The following GPM6A variants were observed in gnomAD, a reference collection of about 807,000 sequenced individuals.
The protein encoded by GPM6A is neuronal membrane glycoprotein M6-a.
Under a neutral mutation model 32.1 loss-of-function variants are expected in GPM6A, and 7 were observed. The observed-to-expected ratio is 0.22, with a 90% confidence interval of 0.12 to 0.41. The LOEUF is 0.41. GPM6A is among the 10% of genes least tolerant of loss of function. GPM6A has a pLI of 1.00. For missense variants in GPM6A, 235 were observed against 347.2 expected (o/e 0.68, Z 2.57); for synonymous variants, 130 against 123.4 (o/e 1.05, Z -0.35).
intron 1 of GPM6A, among the ~76,000 whole-genome samples, chr4:175,730,548 G>A (rs7654814): frequency 0.085 from 12,829 of 151,336 alleles, 826 homozygotes; most frequent in East Asian, 0.29. Flanking sequence ...TCGGCTCACT[G>A]CAAGCTCCGC....
intron 1 of GPM6A, among the ~76,000 whole-genome samples, chr4:175,872,974 G>T (rs2111441942): frequency 6.6e-6 from 1 of 152,158 alleles, no homozygotes; most frequent in African/African-American, 2.4e-5. Flanking sequence ...TGTTCACTGG[G>T]CAAGTAGATA....
intron 3 of GPM6A, among the ~76,000 whole-genome samples, chr4:175,657,650 G>C (rs1448345495): frequency 1.3e-5 from 2 of 152,130 alleles, no homozygotes; most frequent in Non-Finnish European, 2.9e-5. Flanking sequence ...ACATGAGCCA[G>C]ATATCTAAAT....
chr4:175,859,487 T>C (rs1184994471), intron 1 of GPM6A, among the ~76,000 whole-genome samples: 1 of 152,218 alleles, frequency 6.6e-6, no homozygotes, highest in Non-Finnish European at 1.5e-5. Flanking sequence ...TTTAATTCAG[T>C]ATAATTTGTT....
rs78307365 is a variant in GPM6A, at chr4:175,912,287, T to C, written c.-23+90022A>G. Among the ~76,000 whole-genome samples the C allele has an allele frequency of 2.0e-5, 3 of 152,196 alleles. No homozygotes were observed. In the South Asian group the frequency reaches 6.2e-4, roughly 31 times the overall value. ...ATTTGTATTCAATATACAAGGAAGA[T>C]GAGAAATACTCTTTTATGTAAAGTA... On this transcript the variant is annotated intron_variant, in intron 1 of 7. Coordinates refer to the GPM6A transcript ENST00000280187.
intron 1 of GPM6A, among the ~76,000 whole-genome samples, chr4:175,802,410 G>C (rs1009732692): frequency 1.3e-5 from 2 of 152,066 alleles, no homozygotes; most frequent in African/African-American, 2.4e-5. Flanking sequence ...CCATTGACCA[G>C]AGCTCAAATG....
intron 2 of GPM6A, among the ~76,000 whole-genome samples, chr4:175,695,838 C>T (rs1744549553): frequency 6.6e-6 from 1 of 152,148 alleles, no homozygotes; most frequent in African/African-American, 2.4e-5. Context: ...CTGGTCCCCA[C>T]TCAAATCTCA....
intron 1 of GPM6A, among the ~76,000 whole-genome samples, chr4:175,901,642 CT>C (rs59429547): frequency 8.4e-6 from 1 of 119,478 alleles, no homozygotes; most frequent in Non-Finnish European, 1.8e-5. Context: ...TTTTTTTTTC[CT>C]TTTTTTTTTT....
At chr4:175,963,974 A>C (rs920778727) in intron 1 of GPM6A, among the ~76,000 whole-genome samples, 2 of 152,124 alleles carry the variant, frequency 1.3e-5, no homozygotes, top group African/African-American at 4.8e-5. Context: ...ATATATATTT[A>C]AACTCAATGG....
intron 1 of GPM6A, among the ~76,000 whole-genome samples, chr4:175,723,034 G>A (rs1158837400): frequency 6.6e-6 from 1 of 152,194 alleles, no homozygotes; most frequent in African/African-American, 2.4e-5. Flanking sequence ...GGGTGACAGA[G>A]ACCCCGTCTA....
rs761654776 is a variant in GPM6A, at chr4:175,635,002, C to T, written c.740G>A (p.Arg247Gln). Reference sequence around the variant, plus strand: ...CTTGATGTCTTCATACTTCTGCATCCGGCAGGCGTCTTTCACATAGGCCCA... The same window carrying T: ...CTTGATGTCTTCATACTTCTGCATCTGGCAGGCGTCTTTCACATAGGCCCA... Reference protein sequence around the residue: ...ANWAYVKDACRMQKYEDIKSK... With the variant: ...ANWAYVKDACQMQKYEDIKSK... The change falls in exon 7 of 7, where the codon CGG becomes CAG. Residue 247 changes from arginine (R) to glutamine (Q), a missense_variant. By Grantham distance (43) the Arg-to-Gln change is conservative. Around this residue, in one of 3 missense-constraint regions of GPM6A, gnomAD observed 27 missense variants for 59.4 expected, o/e 0.45. Coordinates refer to ENST00000393658, the MANE Select transcript of GPM6A (RefSeq NM_201591.3). 1.1e-5 allele frequency: 17 copies of T among 1,613,400 alleles called. No homozygotes were observed. Among genetic ancestry groups the T allele is most frequent in the Non-Finnish European group, 1.4e-5 (16 of 1,179,528 alleles).
chr4:175,904,871 A>T (rs986373102), intron 1 of GPM6A, among the ~76,000 whole-genome samples: 1 of 152,302 alleles, frequency 6.6e-6, no homozygotes, highest in Middle Eastern at 3.4e-3. Flanking sequence ...CATCAATTTT[A>T]AAATTTGCCA....
chr4:175,972,868 T>C (rs1341472569), intron 1 of GPM6A, among the ~76,000 whole-genome samples: 5 of 152,208 alleles, frequency 3.3e-5, no homozygotes, highest in African/African-American at 1.2e-4. Context: ...TGAGCAGTTA[T>C]ATCTATTATC....
chr4:175,835,700 A>C (rs894996526), intron 1 of GPM6A, among the ~76,000 whole-genome samples: 1 of 147,102 alleles, frequency 6.8e-6, no homozygotes, highest in Non-Finnish European at 1.5e-5. Flanking sequence ...AAATATATAT[A>C]ATATATACTT....
intron 1 of GPM6A, among the ~76,000 whole-genome samples, chr4:175,811,053 C>CGTGTGT (rs146081744): frequency 2.0e-5 from 3 of 149,874 alleles, no homozygotes; most frequent in Non-Finnish European, 4.5e-5. Flanking sequence ...TCCTTTATTA[C>CGTGTGT]GTGTGTGTGT....
At chr4:175,685,210 A>G (rs775265941) in intron 2 of GPM6A, among the ~76,000 whole-genome samples, 1 of 152,144 alleles carries the variant, frequency 6.6e-6, no homozygotes, top group African/African-American at 2.4e-5. Flanking sequence ...ATTTTTACAC[A>G]TGAACTTTAG....
intron 1 of GPM6A, among the ~76,000 whole-genome samples, chr4:175,941,719 C>G (rs143851546): frequency 6.6e-6 from 1 of 152,126 alleles, no homozygotes; most frequent in Non-Finnish European, 1.5e-5. Flanking sequence ...ATGAACTCAT[C>G]TTTTTTATGG....
chr4:175,676,912 G>A (rs575364850), intron 2 of GPM6A, among the ~76,000 whole-genome samples: 1 of 152,084 alleles, frequency 6.6e-6, no homozygotes, highest in Admixed American at 6.6e-5. Flanking sequence ...GAATCCTCCA[G>A]ATCTATTTAA....
Position 175,711,314 on chromosome 4 carries a change from A to G in GPM6A, c.38-9547T>C, listed in dbSNP as rs149833685. Among the ~76,000 whole-genome samples the G allele has an allele frequency of 7.3e-3, 1,090 of 150,072 alleles. 14 individuals are homozygous for G. The highest frequency in any genetic ancestry group is 0.026 in the African/African-American group (1,040 of 40,772). On this transcript the variant is annotated intron_variant, in intron 1 of 6. Coordinates refer to ENST00000393658, the MANE Select transcript of GPM6A (RefSeq NM_201591.3). The stretch of plus-strand genomic sequence containing the variant: ...GAGGAATGCCTCCAACTTGGAAGAC[A>G]GAAACAGAAATAAATAAGCAAAAAA...
intron 1 of GPM6A, among the ~76,000 whole-genome samples, chr4:175,880,954 G>A (rs938342679): frequency 4.6e-5 from 7 of 151,976 alleles, no homozygotes; most frequent in African/African-American, 9.7e-5. Flanking sequence ...GGGCATCCCC[G>A]TCTTGTGCCA....
Sources: allele counts gnomAD v4.1 joint callset (sites outside exome capture counted in the v4.1 genomes callset), GRCh38; gene constraint gnomAD v4.1.1; regional missense constraint gnomAD v4.1.1; transcripts MANE v1.5; gene names NCBI Gene and HGNC (gene_info 2026-07-23, HGNC 2026-07-21).